The following HDAC4 variants were observed in gnomAD, a reference collection of about 807,000 sequenced individuals.
The protein encoded by HDAC4 is histone deacetylase A.
A neutral mutation model predicts 135.1 loss-of-function variants in HDAC4; 16 were observed. That is an observed-to-expected ratio of 0.12 (90% CI 0.08 to 0.18). The LOEUF is 0.18. Among genes scored for constraint, HDAC4 ranks in the 10% least tolerant of loss-of-function variants. The pLI, the probability that HDAC4 is intolerant of heterozygous loss-of-function variation, is 1.00. For missense variants in HDAC4, 1,143 were observed against 1,511.8 expected (o/e 0.76, Z 4.05); for synonymous variants, 685 against 653.4 (o/e 1.05, Z -0.74).
chr2:239,058,980 A>G (rs574221062), intron 24 of HDAC4, among the ~76,000 whole-genome samples: 1 of 152,360 alleles, frequency 6.6e-6, no homozygotes, highest in African/African-American at 2.4e-5. Flanking sequence ...AAGTCGCCAC[A>G]AAAAAATAAA....
chr2:239,092,365 C>T lies in HDAC4; in HGVS notation c.2281-2249G>A, dbSNP rs548159839. 5.1e-4 allele frequency among the ~76,000 whole-genome samples: 77 copies of T among 152,318 alleles called. 1 individual carries two copies. Among genetic ancestry groups the T allele is most frequent in the Admixed American group, 2.7e-3 (42 of 15,302 alleles). The stretch of plus-strand genomic sequence containing the variant: ...GCGGGGTCCCAGACAGGCCAGGCCC[C>T]GAGGCTGCCCCTGTGGGGACAGCAC... On this transcript the variant is annotated intron_variant, in intron 17 of 26. Coordinates refer to ENST00000543185, the MANE Select transcript of HDAC4 (RefSeq NM_001378414.1).
At chr2:239,144,471 A>T in intron 8 of HDAC4, 112 bp downstream of exon 8, 1 of 1,385,390 alleles carries the variant, frequency 7.2e-7, no homozygotes, top group Non-Finnish European at 1.0e-6. Flanking sequence ...CTGGGGGTTG[A>T]CAGCGTGAGG....
At chr2:239,124,120 C>T (rs187572240) in intron 12 of HDAC4, among the ~76,000 whole-genome samples, 3 of 152,344 alleles carry the variant, frequency 2.0e-5, no homozygotes, top group South Asian at 4.1e-4. Context: ...ATCAACTCAT[C>T]CTCTTTCTTC....
chr2:239,225,642 C>G (rs1410754097), intron 3 of HDAC4, among the ~76,000 whole-genome samples: 6 of 152,190 alleles, frequency 3.9e-5, no homozygotes, highest in African/African-American at 1.4e-4. Context: ...CAGGAAGGCC[C>G]ACGCAGGGCT....
At chr2:239,078,739 T>C (rs1014836851) in intron 22 of HDAC4, among the ~76,000 whole-genome samples, 4 of 152,146 alleles carry the variant, frequency 2.6e-5, no homozygotes, top group African/African-American at 9.6e-5. Flanking sequence ...CAGACGCCCA[T>C]TGCTGCTTTG....
intron 9 of HDAC4, among the ~76,000 whole-genome samples, chr2:239,137,404 C>T (rs2041041949): frequency 6.6e-6 from 1 of 152,218 alleles, no homozygotes; most frequent in Non-Finnish European, 1.5e-5. Flanking sequence ...ACTCTCTGAG[C>T]CCTGCCTCCT....
chr2:239,345,928 C>T (rs1375449669), intron 2 of HDAC4, among the ~76,000 whole-genome samples: 3 of 147,474 alleles, frequency 2.0e-5, no homozygotes, highest in African/African-American at 7.5e-5. Context: ...CGTGCACTCA[C>T]TCTAACAAAC....
At chr2:239,173,000 A>G (rs1575287431) in intron 5 of HDAC4, among the ~76,000 whole-genome samples, 1 of 152,232 alleles carries the variant, frequency 6.6e-6, no homozygotes, top group South Asian at 2.1e-4. Flanking sequence ...TAAAAATTGA[A>G]TAAGTAATCA....
rs200570751 is a variant in HDAC4, at chr2:239,146,238, CA to C, written c.734-1525del. ...CATTATTCAAAAGACAAAACAAAAC[CA>C]AAAAAAACAAGCCAAAAAACCCAAC... On this transcript the variant is annotated intron_variant, in intron 7 of 26. Transcript: ENST00000543185. This position sits in a 1 kb window ranked among gnomAD's most constrained non-coding sequence, Gnocchi z 4.5. Among the ~76,000 whole-genome samples the C allele has an allele frequency of 6.6e-6, 1 of 151,736 alleles. No individual in the cohort carries two copies. The highest frequency in any genetic ancestry group is 1.5e-5 in the Non-Finnish European group (1 of 67,928).
chr2:239,087,594 G>A lies in HDAC4; in HGVS notation c.2409C>T (p.Arg803=). ...GELKNGFAVV[R]PPGHHAEEST... is the part of the protein sequence containing the mutation. ...TCTCCTCCGCATGGTGTCCAGGGGGGCGGACCACAGCAAAGCCATTCTGCA... is the reference window on the plus strand; with the variant it reads ...TCTCCTCCGCATGGTGTCCAGGGGGACGGACCACAGCAAAGCCATTCTGCA... Residue 803 remains arginine (R), a synonymous_variant, in exon 19 of 27, where the codon CGC becomes CGT. Transcript: ENST00000543185. The A allele has an allele frequency of 6.2e-7, 1 of 1,613,898 alleles. No homozygotes were observed. The highest frequency in any genetic ancestry group is 8.5e-7 in the Non-Finnish European group (1 of 1,179,974).
At chr2:239,191,581 G>C (rs1368836782) in intron 3 of HDAC4, among the ~76,000 whole-genome samples, 1 of 152,202 alleles carries the variant, frequency 6.6e-6, no homozygotes, top group Non-Finnish European at 1.5e-5. Flanking sequence ...AAATGCTTTG[G>C]GGGAGGCCTG....
At chr2:239,088,345 T>C (rs1242520630) in intron 18 of HDAC4, among the ~76,000 whole-genome samples, 2 of 152,190 alleles carry the variant, frequency 1.3e-5, no homozygotes, top group Non-Finnish European at 1.5e-5. Context: ...GACAATGCCA[T>C]GGACGGGGTG....
intron 1 of HDAC4, among the ~76,000 whole-genome samples, chr2:239,371,762 G>A (rs952321562): frequency 6.6e-6 from 1 of 152,194 alleles, no homozygotes; most frequent in African/African-American, 2.4e-5. Context: ...GGCGTGGCCC[G>A]GGCCTTTACC....
chr2:239,067,150 C>T (rs548366759), intron 23 of HDAC4, among the ~76,000 whole-genome samples: 13 of 152,362 alleles, frequency 8.5e-5, no homozygotes, highest in South Asian at 6.2e-4. Flanking sequence ...ACCTGCCCTT[C>T]GGCCCCCGCA....
intron 15 of HDAC4, among the ~76,000 whole-genome samples, chr2:239,105,655 A>C (rs1209049428): frequency 6.6e-6 from 1 of 152,114 alleles, no homozygotes; most frequent in African/African-American, 2.4e-5. Flanking sequence ...GCAGTCGTCT[A>C]CCCAGAGAAG....
chr2:239,357,860 G>C (rs1374701336), intron 1 of HDAC4, among the ~76,000 whole-genome samples: 5 of 125,472 alleles, frequency 4.0e-5, no homozygotes, highest in African/African-American at 1.6e-4. Flanking sequence ...CTGTACCCCA[G>C]CCTGGGTGAC....
rs545627748 is a variant in HDAC4 at position 239,054,786 on chromosome 2, G to A, written c.3051C>T (p.Asn1017=). The A allele has an allele frequency of 8.7e-6, 14 of 1,613,564 alleles. No homozygotes were observed. The highest frequency in any genetic ancestry group is 4.0e-5 in the African/African-American group (3 of 75,020). The change falls in exon 25 of 27, where the codon AAC becomes AAT. Residue 1017 remains asparagine (N), a synonymous_variant. Coordinates refer to ENST00000543185, the MANE Select transcript of HDAC4 (RefSeq NM_001378414.1). ...TGACTTTCTCCATGGAACGGACAGC[G>A]TTTGCATTGGGTCTTTGCTGTAAAA... ...EKVLQQRPNA[N]AVRSMEKVME...
intron 15 of HDAC4, among the ~76,000 whole-genome samples, chr2:239,104,949 C>T (rs1234056898): frequency 6.6e-6 from 1 of 152,244 alleles, no homozygotes; most frequent in Non-Finnish European, 1.5e-5. Context: ...TCTGCGACAC[C>T]GCGACGGCTG....
chr2:239,260,429 A>G (rs1255642095), intron 2 of HDAC4, among the ~76,000 whole-genome samples: 1 of 152,244 alleles, frequency 6.6e-6, no homozygotes, highest in Non-Finnish European at 1.5e-5. Flanking sequence ...TAAGTGGTAC[A>G]AATAACGGGT....
Sources: allele counts gnomAD v4.1 joint callset (sites outside exome capture counted in the v4.1 genomes callset), GRCh38; gene constraint gnomAD v4.1.1; non-coding constraint Gnocchi (gnomAD v3.1); transcripts MANE v1.5; gene names NCBI Gene and HGNC (gene_info 2026-07-23, HGNC 2026-07-21).